DNAH14: variants seen among roughly 807,000 people sequenced by gnomAD.
DNAH14 encodes axonemal beta dynein heavy chain 14.
In DNAH14, 478 loss-of-function variants were observed where a neutral mutation model predicts 520.9. The ratio of observed to expected loss-of-function variants is 0.92; its 90% CI spans 0.85 to 0.99. The LOEUF is 0.99. DNAH14 is among the 50% of genes least tolerant of loss of function. The pLI is 0.00. For synonymous variants in DNAH14, 1,581 were observed against 1,757.2 expected, an observed-to-expected ratio of 0.90 and a Z score of 2.51; for missense variants, 4,831 against 5,234.5, an observed-to-expected ratio of 0.92 and a Z score of 2.38.
At chr1:225,383,266 C>A (rs1248809772) in intron 81 of DNAH14, among the ~76,000 whole-genome samples, 1 of 152,114 alleles carries the variant, frequency 6.6e-6, no homozygotes, top group Non-Finnish European at 1.5e-5. Context: ...GAAATAATAA[C>A]AATTATAATT....
At chr1:225,009,917 A>G (rs912636398) in intron 10 of DNAH14, among the ~76,000 whole-genome samples, 4 of 152,144 alleles carry the variant, frequency 2.6e-5, no homozygotes, top group Non-Finnish European at 4.4e-5. Context: ...GGTGTATAGG[A>G]ACGCTTGTGA....
At chr1:225,342,956 A>G (rs1017323229) in intron 69 of DNAH14, among the ~76,000 whole-genome samples, 5 of 151,516 alleles carry the variant, frequency 3.3e-5, no homozygotes, top group African/African-American at 1.2e-4. Context: ...AGCTGGAACC[A>G]CATTCACCAC....
intron 1 of DNAH14, among the ~76,000 whole-genome samples, chr1:224,950,213 T>C (rs1032166843): frequency 6.6e-5 from 10 of 152,198 alleles, no homozygotes; most frequent in African/African-American, 1.9e-4. Context: ...TTGACTTAGT[T>C]CTGTATTTAA....
intron 69 of DNAH14, among the ~76,000 whole-genome samples, chr1:225,344,546 A>C (rs1404691828): frequency 6.6e-6 from 1 of 152,204 alleles, no homozygotes; most frequent in East Asian, 1.9e-4. Context: ...ATGTCCCTGC[A>C]AAGGACATGA....
chr1:224,989,670 C>T (rs1316555590), intron 8 of DNAH14, among the ~76,000 whole-genome samples: 1 of 152,072 alleles, frequency 6.6e-6, no homozygotes, highest in Non-Finnish European at 1.5e-5. Context: ...TTGAGTCTTT[C>T]ACTATTAAAA....
intron 2 of DNAH14, among the ~76,000 whole-genome samples, chr1:224,953,840 T>G (rs577596814): frequency 6.6e-6 from 1 of 152,278 alleles, no homozygotes; most frequent in East Asian, 1.9e-4. Flanking sequence ...AGGTAAAACT[T>G]TATGTTAGGA....
At chr1:225,368,068 T>A in intron 77 of DNAH14, 36 bp downstream of exon 77, 1 of 1,477,616 alleles carries the variant, frequency 6.8e-7, no homozygotes, top group Non-Finnish European at 9.1e-7. Flanking sequence ...AACAAATAAG[T>A]AACAATAAGA....
intron 21 of DNAH14, among the ~76,000 whole-genome samples, chr1:225,091,520 A>G (rs1372239231): frequency 6.6e-6 from 1 of 152,182 alleles, no homozygotes; most frequent in South Asian, 2.1e-4. Context: ...TCATTTTCGG[A>G]CAAGCAAATG....
chr1:224,976,341 T>G (rs1297246972), intron 8 of DNAH14, among the ~76,000 whole-genome samples: 1 of 152,138 alleles, frequency 6.6e-6, no homozygotes, highest in Non-Finnish European at 1.5e-5. Flanking sequence ...AAGTCTCCCA[T>G]TATTATTGTG....
At chr1:225,174,448 T>C (rs2083090276) in intron 36 of DNAH14, among the ~76,000 whole-genome samples, 1 of 152,216 alleles carries the variant, frequency 6.6e-6, no homozygotes, top group African/African-American at 2.4e-5. Flanking sequence ...ATAAATGGAA[T>C]GCTTTCTTAA....
chr1:224,998,062 C>T (rs1218722431), intron 8 of DNAH14, among the ~76,000 whole-genome samples: 2 of 152,096 alleles, frequency 1.3e-5, no homozygotes, highest in Non-Finnish European at 2.9e-5. Flanking sequence ...TCTAAGTTGT[C>T]AGATTTATGT....
intron 64 of DNAH14, among the ~76,000 whole-genome samples, chr1:225,326,363 A>C (rs943812255): frequency 3.9e-5 from 6 of 152,220 alleles, no homozygotes; most frequent in African/African-American, 1.4e-4. Flanking sequence ...AATATTTAGC[A>C]ACCAGTGTGG....
chr1:225,363,602 T>C (rs2095518728), intron 75 of DNAH14, among the ~76,000 whole-genome samples: 1 of 152,178 alleles, frequency 6.6e-6, no homozygotes, highest in African/African-American at 2.4e-5. Context: ...TTTTGAAAAG[T>C]ACAAGCTAGT....
chr1:225,089,069 G>A (rs992607975), intron 21 of DNAH14, among the ~76,000 whole-genome samples: 6 of 151,502 alleles, frequency 4.0e-5, no homozygotes, highest in African/African-American at 1.2e-4. Context: ...AACTTTTTCA[G>A]AAAAGTGTAG....
At chr1:225,169,558 G>C (rs933364711) in intron 36 of DNAH14, among the ~76,000 whole-genome samples, 22 of 152,022 alleles carry the variant, frequency 1.4e-4, no homozygotes, top group Non-Finnish European at 2.5e-4. Flanking sequence ...GAAGTGAGAA[G>C]AGAAGTTTAG....
chr1:225,175,947 G>A (rs1402293520), intron 36 of DNAH14, among the ~76,000 whole-genome samples: 1 of 151,888 alleles, frequency 6.6e-6, no homozygotes, highest in Non-Finnish European at 1.5e-5. Flanking sequence ...GTAGAGACAG[G>A]GCTTCACTAT....
At chr1:225,304,393 CA>C (rs1319748190) in intron 57 of DNAH14, among the ~76,000 whole-genome samples, 1 of 151,736 alleles carries the variant, frequency 6.6e-6, no homozygotes, top group Non-Finnish European at 1.5e-5. Context: ...CCTGTCTCTA[CA>C]AAAAATTTAG....
intron 37 of DNAH14, among the ~76,000 whole-genome samples, chr1:225,188,524 T>C (rs1264655509): frequency 6.6e-6 from 1 of 151,984 alleles, no homozygotes; most frequent in Non-Finnish European, 1.5e-5. Flanking sequence ...TAAAGGGTTC[T>C]GTAATATCTG....
chr1:225,276,999 A>G (rs182529738), intron 53 of DNAH14, among the ~76,000 whole-genome samples: 15,535 of 41,318 alleles, frequency 0.38, 3,405 homozygotes, highest in East Asian at 0.6. Flanking sequence ...GGGAGGAAGG[A>G]AGGGAGGGAG....
Sources: allele counts gnomAD v4.1 joint callset (sites outside exome capture counted in the v4.1 genomes callset), GRCh38; gene constraint gnomAD v4.1.1; transcripts MANE v1.5; gene names NCBI Gene and HGNC (gene_info 2026-07-23, HGNC 2026-07-21).